The following MASTL variants were observed in gnomAD, a reference collection of about 807,000 sequenced individuals.
The protein encoded by MASTL is serine/threonine-protein kinase greatwall.
MASTL carries 54 observed loss-of-function variants against 82.5 expected under a neutral mutation model. The observed-to-expected ratio is 0.65, with a 90% CI of 0.53 to 0.82. The LOEUF (loss-of-function observed/expected upper bound fraction) is 0.82. MASTL is among the 40% of genes least tolerant of loss of function. The pLI, the probability that MASTL is intolerant of heterozygous loss-of-function variation, is 0.00. For synonymous variants in MASTL, 323 were observed against 368.9 expected (o/e 0.88, Z 1.43); for missense variants, 950 against 1,047.8 (o/e 0.91, Z 1.29).
intron 10 of MASTL, 79 bp from the exon 11 acceptor site, chr10:27,181,401 A>G: frequency 8.7e-7 from 1 of 1,143,414 alleles, no homozygotes; most frequent in Non-Finnish European, 1.3e-6. Flanking sequence ...CAAAAAACAA[A>G]AAAAAGTAGT....
rs752147433 is a variant in MASTL at position 27,184,554 on chromosome 10, A to ATTTTTTTTT, written c.2483-1809_2483-1801dup. On this transcript the variant is annotated intron_variant, in intron 11 of 11. Coordinates refer to ENST00000375940, the MANE Select transcript of MASTL (RefSeq NM_001172303.3). The stretch of plus-strand genomic sequence containing the variant: ...AAAAACACTATCACATATAAGAAGG[A>ATTTTTTTTT]TTTTTTTTTTTTTTTTTTTTTTTTG... 9.0e-4 allele frequency among the ~76,000 whole-genome samples: 76 copies of ATTTTTTTTT among 84,852 alleles called. 4 individuals carry two copies. Among genetic ancestry groups the ATTTTTTTTT allele is most frequent in the African/African-American group, 1.0e-3 (22 of 21,342 alleles). 55.7% of individuals were successfully genotyped at this position (84,852 alleles called of 152,430 possible).
intron 1 of MASTL, 29 bp downstream of exon 1, chr10:27,155,641 G>T (rs763197876): frequency 6.2e-7 from 1 of 1,612,956 alleles, no homozygotes; most frequent in Non-Finnish European, 8.5e-7. Flanking sequence ...GCAAGGAAGG[G>T]GTTAGGCCCT....
At position 27,170,914 on chromosome 10, in the gene MASTL, C is replaced by T. The variant is rs760911384; in HGVS notation, c.1955C>T (p.Ala652Val). Residue 652 changes from alanine to valine, a missense_variant, in exon 8 of 12, where the codon GCT (alanine) becomes GTT (valine). Ala to Val is a moderately conservative substitution (Grantham distance 64). Transcript: ENST00000375940. ...AAAACGTTAGCCTCTAAAAGAAATG[C>T]TGTTGCTTTTCGAAGTTTTAACAGT... ...VLKTLASKRN[A>V]VAFRSFNSHI... 5 of 1,613,966 alleles carry T rather than the reference C, an allele frequency of 3.1e-6. No homozygotes were observed. Among genetic ancestry groups the T allele is most frequent in the Non-Finnish European group, 8.5e-7 (1 of 1,179,974 alleles).
rs1564476428 is a variant in MASTL at position 27,155,420 on chromosome 10, T to C, written c.-7T>C. ...GTGTCTGCGGGGCCGCTGTATGCTG[T>C]CCAGCGATGGATCCCACCGCGGGAA... On this transcript the variant is annotated 5_prime_UTR_variant, in exon 1 of 12. Coordinates refer to ENST00000375940, the MANE Select transcript of MASTL (RefSeq NM_001172303.3). The C allele has an allele frequency of 4.4e-6, 7 of 1,604,354 alleles. No individual in the cohort carries two copies. The highest frequency in any genetic ancestry group is 5.1e-6 in the Non-Finnish European group (6 of 1,176,560).
intron 11 of MASTL, among the ~76,000 whole-genome samples, chr10:27,186,012 C>T (rs1304823900): frequency 6.6e-6 from 1 of 152,182 alleles, no homozygotes; most frequent in African/African-American, 2.4e-5. Flanking sequence ...TCGCTTGAAC[C>T]CGGGAGGCGG....
At chr10:27,157,841 C>A (rs777632015) in intron 1 of MASTL, among the ~76,000 whole-genome samples, 10 of 150,690 alleles carry the variant, frequency 6.6e-5, no homozygotes, top group Non-Finnish European at 1.2e-4. Flanking sequence ...CTTTCTGATT[C>A]TATCCCCATC....
At position 27,165,121 on chromosome 10, in the gene MASTL, A is replaced by C. The variant is rs2057699624; in HGVS notation, c.611A>C (p.Tyr204Ser). The C allele has an allele frequency of 6.2e-7, 1 of 1,613,628 alleles. No homozygotes were observed. The highest frequency in any genetic ancestry group is 1.3e-5 in the African/African-American group (1 of 74,922). The change falls in exon 5 of 12, where the codon TAT becomes TCT. Residue 204 changes from tyrosine to serine, a missense_variant. By Grantham distance (144) the Tyr-to-Ser change is moderately radical. Coordinates refer to ENST00000375940, the MANE Select transcript of MASTL (RefSeq NM_001172303.3). ...TPSMAKPRQD[Y>S]SRTPGQVLSL... ...TCAATGGCAAAACCTAGACAAGATT[A>C]TTCAAGAACCCCAGGACAAGTGTTA...
At chr10:27,179,885 T>TTA (rs2058218263) in intron 9 of MASTL, among the ~76,000 whole-genome samples, 1 of 152,160 alleles carries the variant, frequency 6.6e-6, no homozygotes, top group African/African-American at 2.4e-5. Context: ...TGAAATTGAG[T>TTA]AGTAGTCTGC....
At chr10:27,161,218 A>T in intron 4 of MASTL, 36 bp downstream of exon 4, 1 of 1,255,632 alleles carries the variant, frequency 8.0e-7, no homozygotes, top group Non-Finnish European at 1.2e-6. Flanking sequence ...TTTTTAAAAC[A>T]TCCAACAGGC....
intron 9 of MASTL, chr10:27,177,794 C>T: frequency 1.0e-6 from 1 of 965,900 alleles, no homozygotes; most frequent in Non-Finnish European, 1.2e-6. Context: ...TGTTTTCTTA[C>T]ATGCAGGATT....
At chr10:27,157,090 A>G (rs1298831541) in intron 1 of MASTL, among the ~76,000 whole-genome samples, 1 of 152,098 alleles carries the variant, frequency 6.6e-6, no homozygotes, top group Non-Finnish European at 1.5e-5. Context: ...GGGGTGAGCC[A>G]CCGTGCCTGG....
Position 27,157,087 on chromosome 10 carries a change from G to C in MASTL, c.187-1462G>C, listed in dbSNP as rs546400015. Among the ~76,000 whole-genome samples the C allele has an allele frequency of 2.6e-5, 4 of 152,092 alleles. 1 individual carries two copies. The highest frequency in any genetic ancestry group is 2.6e-4 in the Admixed American group (4 of 15,272). On this transcript the variant is annotated intron_variant, in intron 1 of 11. Transcript: ENST00000375940. ...CAAAGTGCTGGGATTACAGGGGTGA[G>C]CCACCGTGCCTGGCCTTATGCTGGT...
chr10:27,158,800 T>C (rs1322316522), intron 2 of MASTL, 114 bp downstream of exon 2: 10 of 1,183,376 alleles, frequency 8.5e-6, no homozygotes, highest in Admixed American at 3.5e-5. Context: ...CTGGCTGCAC[T>C]CACTGCCTTG....
Position 27,186,481 on chromosome 10 carries a change from A to G in MASTL, c.2585A>G (p.Tyr862Cys). The change falls in exon 12 of 12, where the codon TAT becomes TGT. Residue 862 changes from tyrosine to cysteine, a missense_variant. Tyr to Cys is a radical substitution (Grantham distance 194). Transcript: ENST00000375940. ...CCAGATGATGAAACAGATACCTCCT[A>G]TTTTGAAGCCAGGAATACTGCTCAG... ...PQPDDETDTSYFEARNTAQHL... is the reference protein window; with the variant it reads ...PQPDDETDTSCFEARNTAQHL... The G allele has an allele frequency of 6.2e-7, 1 of 1,614,110 alleles. No individual in the cohort carries two copies. Among genetic ancestry groups the G allele is most frequent in the Non-Finnish European group, 8.5e-7 (1 of 1,180,000 alleles).
At chr10:27,166,981 ATTCT>A in intron 6 of MASTL, 117 bp from the exon 7 acceptor site, 1 of 120,346 alleles carries the variant, frequency 8.3e-6, no homozygotes, top group Non-Finnish European at 1.8e-5. Flanking sequence ...CTGATATGTA[ATTCT>A]TAATACATAT....
At chr10:27,171,410 A>AATTATT (rs71386919) in intron 8 of MASTL, among the ~76,000 whole-genome samples, 4,597 of 144,692 alleles carry the variant, frequency 0.032, 87 homozygotes, top group Non-Finnish European at 0.036. Flanking sequence ...TGAGTTACAA[A>AATTATT]ATTATTATTA....
At chr10:27,173,361 G>A (rs1273659123) in intron 9 of MASTL, 102 bp downstream of exon 9, 2 of 1,345,666 alleles carry the variant, frequency 1.5e-6, no homozygotes, top group African/African-American at 1.5e-5. Context: ...GTTACCTAAA[G>A]TAAAAGAAAA....
At chr10:27,158,138 AGC>A (rs2057454145) in intron 1 of MASTL, among the ~76,000 whole-genome samples, 1 of 152,148 alleles carries the variant, frequency 6.6e-6, no homozygotes, top group Non-Finnish European at 1.5e-5. Flanking sequence ...CTTTCCTGAT[AGC>A]AGTGTAAGGT....
rs1033329262 is a variant in MASTL at position 27,155,624 on chromosome 10, AC to A, written c.186+13del. 47 of 1,614,068 alleles carry A rather than the reference AC, an allele frequency of 2.9e-5. No individual in the cohort carries two copies. Among genetic ancestry groups the A allele is most frequent in the Non-Finnish European group, 3.9e-5 (46 of 1,179,942 alleles). On this transcript the variant is annotated intron_variant, in intron 1 of 11. Coordinates refer to ENST00000375940, the MANE Select transcript of MASTL (RefSeq NM_001172303.3). ...TGTATGCAGTAAAGGTAGGAAGTCA[AC>A]GAGTAGCAAGGAAGGGGTTAGGCCC...
Sources: gnomAD v4.1 joint callset for allele counts (sites outside exome capture counted in the v4.1 genomes callset) on GRCh38, gnomAD v4.1.1 for gene constraint, MANE v1.5 for transcripts, NCBI Gene and HGNC (gene_info 2026-07-23, HGNC 2026-07-21) for gene names.